HS3ST5: variants seen among roughly 807,000 people sequenced by gnomAD.
The protein encoded by HS3ST5 is heparan sulfate glucosamine 3-O-sulfotransferase 5.
HS3ST5 carries 10 observed loss-of-function variants against 25.4 expected under a neutral mutation model. The observed-to-expected ratio is 0.39, with a 90% CI of 0.24 to 0.67. The LOEUF is 0.67. Ranked by LOEUF, HS3ST5 falls within the 30% of genes least tolerant of loss-of-function variation. The probability of loss-of-function intolerance (pLI) is 0.44; values close to 1 mark genes in which losing one functional copy is unlikely to be tolerated. For missense variants in HS3ST5, 324 were observed against 420.7 expected, an observed-to-expected ratio of 0.77 and a Z score of 2.01; for synonymous variants, 170 against 162.4, an observed-to-expected ratio of 1.05 and a Z score of -0.36.
Position 114,283,953 on chromosome 6 carries a change from G to A in HS3ST5, c.-338-55175C>T, listed in dbSNP as rs966785027. 1.7e-4 allele frequency among the ~76,000 whole-genome samples: 26 copies of A among 152,056 alleles called. 1 individual carries two copies. Among genetic ancestry groups the A allele is most frequent in the African/African-American group, 6.3e-4 (26 of 41,502 alleles). Reference sequence around the variant, plus strand: ...TATATCTGAGGCAGGAAAAACTGATGAGGGAGTCACCCAATTTTATCAGAC... The same window carrying A: ...TATATCTGAGGCAGGAAAAACTGATAAGGGAGTCACCCAATTTTATCAGAC... On this transcript the variant is annotated intron_variant, in intron 1 of 4. Transcript: ENST00000312719.
At chr6:114,271,697 A>C (rs2114703135) in intron 1 of HS3ST5, among the ~76,000 whole-genome samples, 1 of 152,246 alleles carries the variant, frequency 6.6e-6, no homozygotes, top group South Asian at 2.1e-4. Context: ...GAATTCATTC[A>C]ATATGACATC....
At chr6:114,261,452 C>T (rs1018084197) in intron 1 of HS3ST5, among the ~76,000 whole-genome samples, 9 of 152,018 alleles carry the variant, frequency 5.9e-5, no homozygotes, top group African/African-American at 2.2e-4. Context: ...TGAGTATATA[C>T]TTGATGGTTT....
intron 2 of HS3ST5, among the ~76,000 whole-genome samples, chr6:114,191,378 G>GA (rs963010462): frequency 1.3e-5 from 2 of 152,078 alleles, no homozygotes; most frequent in Admixed American, 1.3e-4. Context: ...TCAGCTTGAA[G>GA]AAAAAACACA....
At chr6:114,288,667 G>GACT (rs1774443934) in intron 1 of HS3ST5, among the ~76,000 whole-genome samples, 2 of 100,412 alleles carry the variant, frequency 2.0e-5, no homozygotes, top group Non-Finnish European at 4.4e-5. Flanking sequence ...TGACCAATCT[G>GACT]ACTACTAAAG....
chr6:114,157,701 T>A (rs1349444657), intron 3 of HS3ST5, among the ~76,000 whole-genome samples: 1 of 152,196 alleles, frequency 6.6e-6, no homozygotes, highest in Non-Finnish European at 1.5e-5. Context: ...AAAATTTTTA[T>A]TTGCCAATCA....
intron 3 of HS3ST5, among the ~76,000 whole-genome samples, chr6:114,132,649 A>G (rs1404502179): frequency 3.3e-5 from 5 of 152,252 alleles, no homozygotes; most frequent in Non-Finnish European, 5.9e-5. Context: ...GGTTTTGGCC[A>G]GATATAAGGG....
At chr6:114,341,346 G>A (rs1776861818) in intron 1 of HS3ST5, among the ~76,000 whole-genome samples, 1 of 151,950 alleles carries the variant, frequency 6.6e-6, no homozygotes, top group Non-Finnish European at 1.5e-5. Flanking sequence ...CTGAAGTAGG[G>A]AAGCGGAAGA....
At chr6:114,285,263 G>T (rs544467551) in intron 1 of HS3ST5, among the ~76,000 whole-genome samples, 1 of 152,070 alleles carries the variant, frequency 6.6e-6, no homozygotes, top group South Asian at 2.1e-4. Context: ...ACACACAGAA[G>T]GGAGCAACAT....
chr6:114,248,074 C>A (rs908425966), intron 1 of HS3ST5, among the ~76,000 whole-genome samples: 4 of 151,192 alleles, frequency 2.6e-5, no homozygotes, highest in Non-Finnish European at 5.9e-5. Context: ...GTGGTGCATG[C>A]CTGTAAGTCC....
chr6:114,336,346 C>T (rs558868350), intron 1 of HS3ST5, among the ~76,000 whole-genome samples: 138 of 152,316 alleles, frequency 9.1e-4, no homozygotes, highest in African/African-American at 2.7e-3. Flanking sequence ...CAGTGGCTCA[C>T]GCCGGTAATC....
At chr6:114,322,482 G>A (rs1048328526) in intron 1 of HS3ST5, among the ~76,000 whole-genome samples, 6 of 151,954 alleles carry the variant, frequency 3.9e-5, no homozygotes, top group Admixed American at 3.9e-4. Flanking sequence ...CTGCAGAACT[G>A]ACATCAGAGA....
chr6:114,239,173 T>C (rs1771990164), intron 1 of HS3ST5: 1 of 152,214 alleles, frequency 6.6e-6, no homozygotes, highest in Admixed American at 6.5e-5. Context: ...ATTTGCAAAG[T>C]TGTTTAATCT....
intron 1 of HS3ST5, among the ~76,000 whole-genome samples, chr6:114,232,835 C>A (rs1562246867): frequency 6.6e-6 from 1 of 152,128 alleles, no homozygotes; most frequent in Non-Finnish European, 1.5e-5. Flanking sequence ...CCTCCTCTAC[C>A]ACCATCATAA....
intron 1 of HS3ST5, among the ~76,000 whole-genome samples, chr6:114,332,740 C>T (rs942081118): frequency 6.6e-6 from 1 of 151,962 alleles, no homozygotes; most frequent in South Asian, 2.1e-4. Context: ...CCCATCCTGG[C>T]TTGGGTGGAG....
chr6:114,171,085 T>C (rs994032786), intron 2 of HS3ST5, among the ~76,000 whole-genome samples: 4 of 152,178 alleles, frequency 2.6e-5, no homozygotes, highest in Admixed American at 2.6e-4. Context: ...TGACATTTCC[T>C]TTGCACATAG....
chr6:114,317,981 A>G (rs1241198199), intron 1 of HS3ST5, among the ~76,000 whole-genome samples: 1 of 152,144 alleles, frequency 6.6e-6, no homozygotes, highest in Non-Finnish European at 1.5e-5. Flanking sequence ...ACTTTAGTAA[A>G]TAAAATGAGC....
At chr6:114,181,610 T>C (rs902856975) in intron 2 of HS3ST5, among the ~76,000 whole-genome samples, 3 of 152,238 alleles carry the variant, frequency 2.0e-5, no homozygotes, top group African/African-American at 4.8e-5. Flanking sequence ...ATGCTCTTGT[T>C]AGTAACAACA....
chr6:114,148,552 T>G (rs922295969), intron 3 of HS3ST5, among the ~76,000 whole-genome samples: 1 of 151,788 alleles, frequency 6.6e-6, no homozygotes, highest in Admixed American at 6.6e-5. Context: ...ACCCAGGAGG[T>G]GGAGGTTGCA....
intron 1 of HS3ST5, among the ~76,000 whole-genome samples, chr6:114,332,767 GA>G: frequency 6.6e-6 from 1 of 152,190 alleles, no homozygotes; most frequent in East Asian, 1.9e-4. Flanking sequence ...GAGCTACATA[GA>G]AAAGGGGCAA....
Sources: allele counts gnomAD v4.1 joint callset (sites outside exome capture counted in the v4.1 genomes callset), GRCh38; gene constraint gnomAD v4.1.1; transcripts MANE v1.5; gene names NCBI Gene and HGNC (gene_info 2026-07-23, HGNC 2026-07-21).